UPK3BL2: variants seen among roughly 807,000 people sequenced by gnomAD.
UPK3BL2 encodes the protein uroplakin-3b-like protein 2.
UPK3BL2 carries 1 observed loss-of-function variant against 11.3 expected under a neutral mutation model. That is an observed-to-expected ratio of 0.09 (90% CI 0.03 to 0.42). The LOEUF (loss-of-function observed/expected upper bound fraction) is 0.42. Among genes scored for constraint, UPK3BL2 ranks in the 10% least tolerant of loss-of-function variants. UPK3BL2 has a pLI of 0.98.
chr7:102,538,107 A>G (rs1290861305), downstream of UPK3BL2: 1 of 28,036 alleles, frequency 3.6e-5, no homozygotes, highest in African/African-American at 4.7e-5. Flanking sequence ...CCTGGCCAAC[A>G]TGGTGAAACC....
intron 3 of UPK3BL2, among the ~76,000 whole-genome samples, chr7:102,540,855 C>CAAAAAAAAAAAAAAAAAAAAAAAAAAAAA (rs1158192702): frequency 1.6e-5 from 1 of 61,260 alleles, no homozygotes; most frequent in African/African-American, 4.8e-5. Context: ...AAAAACAAAA[C>CAAAAAAAAAAAAAAAAAAAAAAAAAAAAA]AAAAAAAAAA....
At chr7:102,542,824 C>G (rs1458727903) in intron 1 of UPK3BL2, 1 of 209,062 alleles carries the variant, frequency 4.8e-6, no homozygotes, top group East Asian at 1.9e-4. Context: ...ATGGTGAAAC[C>G]CTGTTTCTAC....
chr7:102,540,879 AGAAAAGG>A (rs373858491), intron 3 of UPK3BL2, among the ~76,000 whole-genome samples: 6 of 113,096 alleles, frequency 5.3e-5, no homozygotes, highest in African/African-American at 1.6e-4. Flanking sequence ...AAAAAAAAGA[AGAAAAGG>A]AAAAAAAAAA....
At chr7:102,543,041 AAAAG>A (rs1800339513) in intron 1 of UPK3BL2, among the ~76,000 whole-genome samples, 1 of 151,704 alleles carries the variant, frequency 6.6e-6, no homozygotes, top group South Asian at 2.1e-4. Context: ...AAGAAAAAGA[AAAAG>A]AAAAAGAGAA....
intron 3 of UPK3BL2, among the ~76,000 whole-genome samples, chr7:102,540,874 A>G (rs139030345): frequency 3.2e-3 from 385 of 118,706 alleles, no homozygotes; most frequent in African/African-American, 9.5e-3. Context: ...AAAAAAAAAA[A>G]AAGAAGAAAA....
rs1361517177 is a variant in UPK3BL2, at chr7:102,541,469, G to GA, written c.274+31dup. The GA allele has an allele frequency of 1.3e-4, 176 of 1,334,766 alleles. No homozygotes were observed. In the African/African-American group the frequency reaches 2.4e-3, roughly 18 times the overall value. 82.7% of individuals were successfully genotyped at this position (1,334,766 alleles called of 1,614,324 possible). A position where few individuals can be genotyped will look rare whatever the true frequency, so the allele number is the denominator to read the frequency against. ...GGCCCGCAGGCCCATTTCACATAGGGAAAACCGAAGCCTGGCCCCAGCAGC... is the reference window on the plus strand; with the variant it reads ...GGCCCGCAGGCCCATTTCACATAGGGAAAAACCGAAGCCTGGCCCCAGCAGC... On this transcript the variant is annotated intron_variant, in intron 2 of 5. Coordinates refer to ENST00000644544, the Ensembl canonical transcript of UPK3BL2.
At position 102,540,170 on chromosome 7, in the gene UPK3BL2, C is replaced by T; in HGVS notation, c.486-79G>A. 5.6e-6 allele frequency: 5 copies of T among 888,008 alleles called. 1 individual carries two copies. In the South Asian group the frequency reaches 6.7e-5, roughly 12 times the overall value. 55.0% of individuals were successfully genotyped at this position (888,008 alleles called of 1,614,324 possible). ...TCAGACTTGGTGCCTGCAAGTCTGTCCCCTGGAGTCCCAGGCCCTGGCGAG... is the reference window on the plus strand; with the variant it reads ...TCAGACTTGGTGCCTGCAAGTCTGTTCCCTGGAGTCCCAGGCCCTGGCGAG... On this transcript the variant is annotated intron_variant, in intron 3 of 5. Transcript: ENST00000644544.
intron 3 of UPK3BL2, among the ~76,000 whole-genome samples, 200 bp downstream of exon 3, chr7:102,540,893 A>C (rs1335862276): frequency 6.4e-4 from 82 of 128,844 alleles, no homozygotes; most frequent in African/African-American, 2.3e-3. Flanking sequence ...AAGGAAAAAA[A>C]AAAAAAAGAG....
chr7:102,540,843 CAAAAAACAAAACAAAAAAAAA>C (rs1800221333), intron 3 of UPK3BL2, among the ~76,000 whole-genome samples: 2 of 55,472 alleles, frequency 3.6e-5, no homozygotes, highest in East Asian at 3.9e-4. Flanking sequence ...GACTCCATCT[CAAAAAACAAAACAAAAAAAAA>C]AAAAAAAAAA....
At chr7:102,543,021 AAAG>A (rs1800338195) in intron 1 of UPK3BL2, among the ~76,000 whole-genome samples, 1 of 151,206 alleles carries the variant, frequency 6.6e-6, no homozygotes, top group Non-Finnish European at 1.5e-5. Context: ...AAAAAGAAAG[AAAG>A]AAAAAAAAGA....
chr7:102,542,928 G>A (rs1455139253), intron 1 of UPK3BL2, among the ~76,000 whole-genome samples: 1 of 152,394 alleles, frequency 6.6e-6, no homozygotes, highest in African/African-American at 2.4e-5. Context: ...AACCCGAGAG[G>A]CGGAGGTTGT....
intron 1 of UPK3BL2, 62 bp from the exon 2 acceptor site, chr7:102,541,724 CT>C: frequency 6.6e-7 from 1 of 1,506,340 alleles, no homozygotes; most frequent in Admixed American, 2.0e-5. Context: ...CAGCTCTGGT[CT>C]CCCCCCGCCC....
exon 1 of UPK3BL2, chr7:102,543,606 T>A: frequency 1.3e-5 from 1 of 76,794 alleles, no homozygotes; most frequent in Admixed American, 2.3e-4. Context: ...GAGAGCCCTA[T>A]GGCCGGGCCA....
chr7:102,542,677 C>G lies in UPK3BL2; in HGVS notation c.112+848G>C, dbSNP rs1411927494. On this transcript the variant is annotated intron_variant, in intron 1 of 5. Coordinates refer to ENST00000644544, the Ensembl canonical transcript of UPK3BL2. ...TCCTATCTCTGAAGCCCAGGGCACT[C>G]TGTGTGCAGGAGGCACGTAATGTTT... 5.2e-5 allele frequency: 49 copies of G among 941,496 alleles called. 2 individuals carry two copies. The East Asian group carries it at 7.0e-4, about 13-fold the overall frequency. The allele number at this position is 941,496 out of a possible 1,614,324, so 58.3% of individuals were successfully genotyped here.
At chr7:102,540,874 A>AAAAAAAAAAAAC (rs1554587419) in intron 3 of UPK3BL2, among the ~76,000 whole-genome samples, 1 of 119,650 alleles carries the variant, frequency 8.4e-6, no homozygotes, top group Non-Finnish European at 1.8e-5. Flanking sequence ...AAAAAAAAAA[A>AAAAAAAAAAAAC]AAGAAGAAAA....
chr7:102,540,855 C>CAAAAAAAAAAAA lies in UPK3BL2; in HGVS notation c.485+226_485+237dup, dbSNP rs1158192702. Among the ~76,000 whole-genome samples the CAAAAAAAAAAAA allele has an allele frequency of 1.5e-3, 91 of 61,266 alleles. 1 individual carries two copies. Among genetic ancestry groups the CAAAAAAAAAAAA allele is most frequent in the African/African-American group, 3.1e-3 (64 of 20,796 alleles). The allele number at this position is 61,266 out of a possible 152,430, so 40.2% of individuals were successfully genotyped here. On this transcript the variant is annotated intron_variant, in intron 3 of 5. Transcript: ENST00000644544. Reference sequence around the variant, plus strand: ...CAAGACTCCATCTCAAAAAACAAAACAAAAAAAAAAAAAAAAAAAAAGAAG... The same window carrying CAAAAAAAAAAAA: ...CAAGACTCCATCTCAAAAAACAAAACAAAAAAAAAAAAAAAAAAAAAAAAAAAAAAAAAGAAG...
chr7:102,540,855 C>CAAAAAAAAACAAA (rs1800227070), intron 3 of UPK3BL2, among the ~76,000 whole-genome samples: 6 of 61,252 alleles, frequency 9.8e-5, no homozygotes, highest in African/African-American at 2.9e-4. Context: ...AAAAACAAAA[C>CAAAAAAAAACAAA]AAAAAAAAAA....
At chr7:102,542,032 C>T (rs1800293957) in intron 1 of UPK3BL2, 1 of 768,394 alleles carries the variant, frequency 1.3e-6, no homozygotes, top group Non-Finnish European at 1.6e-6. Flanking sequence ...AACTCTGTTC[C>T]TGACATGCCC....
At chr7:102,540,874 A>AAAAAAAG (rs1554587419) in intron 3 of UPK3BL2, among the ~76,000 whole-genome samples, 2 of 119,636 alleles carry the variant, frequency 1.7e-5, no homozygotes, top group African/African-American at 3.2e-5. Flanking sequence ...AAAAAAAAAA[A>AAAAAAAG]AAGAAGAAAA....
Sources: gnomAD v4.1 joint callset for allele counts (sites outside exome capture counted in the v4.1 genomes callset) on GRCh38, gnomAD v4.1.1 for gene constraint, MANE v1.5 for transcripts, NCBI Gene and HGNC (gene_info 2026-07-23, HGNC 2026-07-21) for gene names.